CELF4: variants seen among roughly 807,000 people sequenced by gnomAD.
CELF4 encodes the protein CUGBP Elav-like family member 4.
CELF4 carries 18 observed loss-of-function variants against 59.9 expected under a neutral mutation model. The observed-to-expected ratio is 0.30, with a 90% CI of 0.21 to 0.45. The LOEUF is 0.45. Among genes scored for constraint, CELF4 ranks in the 20% least tolerant of loss-of-function variants. CELF4 has a pLI of 1.00. For missense variants in CELF4, 456 were observed against 689.0 expected (o/e 0.66, Z 3.79); for synonymous variants, 261 against 267.1 (o/e 0.98, Z 0.22).
At chr18:37,451,237 T>C (rs370797441) in intron 2 of CELF4, among the ~76,000 whole-genome samples, 2 of 152,080 alleles carry the variant, frequency 1.3e-5, no homozygotes, top group African/African-American at 4.8e-5. Context: ...GACAGGCCCA[T>C]TGTGGGCCAG....
intron 1 of CELF4, among the ~76,000 whole-genome samples, chr18:37,530,012 CTT>C (rs2099967837): frequency 6.6e-6 from 1 of 152,170 alleles, no homozygotes; most frequent in African/African-American, 2.4e-5. Context: ...GAACCAGACA[CTT>C]TGGTTACATC....
intron 1 of CELF4, among the ~76,000 whole-genome samples, chr18:37,517,047 A>G (rs1210285600): frequency 6.6e-6 from 1 of 152,160 alleles, no homozygotes; most frequent in Admixed American, 6.5e-5. Context: ...ATGCACATGC[A>G]TGCCCCATCC....
chr18:37,270,968 A>C (rs2090940650), intron 7 of CELF4, 51 bp from the exon 8 acceptor site: 16 of 1,490,428 alleles, frequency 1.1e-5, no homozygotes, highest in Non-Finnish European at 1.3e-5. Context: ...CAAGCAGAAC[A>C]AAGGTGAGGA....
intron 1 of CELF4, among the ~76,000 whole-genome samples, chr18:37,511,418 A>G (rs1430457870): frequency 1.3e-5 from 2 of 152,056 alleles, no homozygotes; most frequent in East Asian, 3.9e-4. Context: ...AGTCCTTGGC[A>G]TTCCCCAGGC....
In CELF4 at chr18:37,243,940, G is replaced by T; in HGVS notation, c.*1302C>A. 1.1e-5 allele frequency: 2 copies of T among 182,380 alleles called. No homozygotes were observed. Among genetic ancestry groups the T allele is most frequent in the Non-Finnish European group, 1.2e-5 (1 of 86,642 alleles). The allele number at this position is 182,380 out of a possible 1,614,324, so 11.3% of individuals were successfully genotyped here. A position where few individuals can be genotyped will look rare whatever the true frequency, so the allele number is the denominator to read the frequency against. The stretch of plus-strand genomic sequence containing the variant: ...CGGCGGCGGCGGCGACCCGGGCGAC[G>T]CGACCGTTCCCGACCGACGGCGTGG... On this transcript the variant is annotated 3_prime_UTR_variant, in exon 13 of 13. Coordinates refer to ENST00000420428, the MANE Select transcript of CELF4 (RefSeq NM_020180.4).
At chr18:37,394,439 C>A (rs2099214121) in intron 2 of CELF4, among the ~76,000 whole-genome samples, 1 of 152,192 alleles carries the variant, frequency 6.6e-6, no homozygotes, top group Non-Finnish European at 1.5e-5. Flanking sequence ...GCCGGGCCTC[C>A]TTCTGGCCGC....
At chr18:37,322,337 C>T (rs1354114428) in intron 2 of CELF4, among the ~76,000 whole-genome samples, 1 of 152,250 alleles carries the variant, frequency 6.6e-6, no homozygotes, top group African/African-American at 2.4e-5. Context: ...GGGCATCCAG[C>T]TTGATCCCAG....
intron 1 of CELF4, among the ~76,000 whole-genome samples, chr18:37,492,489 C>G (rs766751856): frequency 6.6e-6 from 1 of 152,068 alleles, no homozygotes; most frequent in East Asian, 1.9e-4. Flanking sequence ...AAGAGGGTTA[C>G]TGATGTTCTG....
intron 1 of CELF4, among the ~76,000 whole-genome samples, chr18:37,486,723 C>T (rs1329174610): frequency 6.6e-6 from 1 of 152,204 alleles, no homozygotes; most frequent in African/African-American, 2.4e-5. Context: ...GAGAAGGCAC[C>T]CTGTGGAATG....
At chr18:37,292,913 G>A (rs909945821) in intron 3 of CELF4, among the ~76,000 whole-genome samples, 5 of 152,234 alleles carry the variant, frequency 3.3e-5, no homozygotes, top group Non-Finnish European at 5.9e-5. Context: ...CTGGCAGGCT[G>A]TAATAAAACT....
chr18:37,555,340 C>A (rs1441583608), intron 1 of CELF4, among the ~76,000 whole-genome samples: 2 of 152,120 alleles, frequency 1.3e-5, no homozygotes, highest in Admixed American at 6.5e-5. Context: ...CACCTCTCCT[C>A]CACCCCACCC....
intron 1 of CELF4, among the ~76,000 whole-genome samples, chr18:37,522,383 C>T (rs765881205): frequency 8.2e-4 from 125 of 152,112 alleles, no homozygotes; most frequent in Non-Finnish European, 1.4e-3. Context: ...CGGCCCCCAG[C>T]CCAGGACCCA....
chr18:37,374,056 C>T (rs2098936214), intron 2 of CELF4, among the ~76,000 whole-genome samples: 1 of 152,162 alleles, frequency 6.6e-6, no homozygotes, highest in Non-Finnish European at 1.5e-5. Context: ...GGGCATTTTA[C>T]CGAAATCCAC....
chr18:37,307,526 A>AT (rs2096474939), intron 3 of CELF4, among the ~76,000 whole-genome samples: 1 of 152,086 alleles, frequency 6.6e-6, no homozygotes, highest in African/African-American at 2.4e-5. Context: ...TAGCCATTAA[A>AT]TTATTAAGAT....
At chr18:37,562,554 C>G (rs1331476881) in intron 1 of CELF4, among the ~76,000 whole-genome samples, 1 of 152,134 alleles carries the variant, frequency 6.6e-6, no homozygotes, top group African/African-American at 2.4e-5. Context: ...TATCCCTAAC[C>G]TTATGTTGTC....
intron 2 of CELF4, among the ~76,000 whole-genome samples, chr18:37,390,376 G>A (rs924487009): frequency 6.6e-6 from 1 of 152,204 alleles, no homozygotes; most frequent in Non-Finnish European, 1.5e-5. Flanking sequence ...TCTTGGCCAT[G>A]CCCTGGCTGG....
At chr18:37,336,192 C>T (rs1315635365) in intron 2 of CELF4, among the ~76,000 whole-genome samples, 3 of 152,224 alleles carry the variant, frequency 2.0e-5, no homozygotes, top group Admixed American at 1.3e-4. Context: ...GAATGCGCCC[C>T]TCACGGCTGT....
At chr18:37,511,421 CCCCAGGCTCTCCT>C (rs1320978379) in intron 1 of CELF4, among the ~76,000 whole-genome samples, 5 of 152,144 alleles carry the variant, frequency 3.3e-5, no homozygotes, top group Non-Finnish European at 7.4e-5. Flanking sequence ...CCTTGGCATT[CCCCAGGCTCTCCT>C]CTCAGGCCCA....
chr18:37,341,169 C>T (rs1008505823), intron 2 of CELF4, among the ~76,000 whole-genome samples: 2 of 152,206 alleles, frequency 1.3e-5, no homozygotes, highest in East Asian at 3.9e-4. Flanking sequence ...ATGGATTCAT[C>T]ATGGTTTGAA....
Sources: gnomAD v4.1 joint callset for allele counts (sites outside exome capture counted in the v4.1 genomes callset) on GRCh38, gnomAD v4.1.1 for gene constraint, MANE v1.5 for transcripts, NCBI Gene and HGNC (gene_info 2026-07-23, HGNC 2026-07-21) for gene names.